SHLD1: variants seen among roughly 807,000 people sequenced by gnomAD.
SHLD1 encodes shieldin complex subunit 1, also known as RINN1-REV7-interacting novel NHEJ regulator 3.
SHLD1 carries 3 observed loss-of-function variants against 5.5 expected under a neutral mutation model. The ratio of observed to expected loss-of-function variants is 0.54; its 90% CI spans 0.25 to 1.40. The LOEUF (loss-of-function observed/expected upper bound fraction) is 1.40, where lower values mean the gene tolerates loss of function less well. SHLD1 is among the 40% of genes most tolerant of loss of function. The probability of loss-of-function intolerance (pLI) is 0.15; values close to 1 mark genes in which losing one functional copy is unlikely to be tolerated. For synonymous variants in SHLD1, 92 were observed against 94.3 expected, an observed-to-expected ratio of 0.98 and a Z score of 0.14; for missense variants, 210 against 244.4, an observed-to-expected ratio of 0.86 and a Z score of 0.94.
intron 1 of SHLD1, 41 bp downstream of exon 1, chr20:5,750,520 G>A: frequency 7.1e-6 from 1 of 141,620 alleles, no homozygotes; most frequent in Non-Finnish European, 1.5e-5. Context: ...GAGTGGTGGG[G>A]GCGGGGGTCA....
intron 1 of SHLD1, among the ~76,000 whole-genome samples, chr20:5,761,715 C>G (rs1046983592): frequency 6.7e-6 from 1 of 149,646 alleles, no homozygotes; most frequent in African/African-American, 2.5e-5. Context: ...TCAAGTGATT[C>G]TCCTGCCTCA....
At chr20:5,817,424 C>CTGTG (rs1435765186) in intron 2 of SHLD1, among the ~76,000 whole-genome samples, 9 of 130,234 alleles carry the variant, frequency 6.9e-5, no homozygotes, top group African/African-American at 3.4e-4. Context: ...CTCTCTCTCT[C>CTGTG]TCTCTCTCTG....
intron 1 of SHLD1, among the ~76,000 whole-genome samples, chr20:5,762,493 A>G (rs1205337687): frequency 6.6e-6 from 1 of 152,152 alleles, no homozygotes; most frequent in Non-Finnish European, 1.5e-5. Context: ...CCAATGGCAG[A>G]AATAAAAGTG....
At chr20:5,751,601 G>A (rs766158128) in intron 1 of SHLD1, among the ~76,000 whole-genome samples, 35 of 152,042 alleles carry the variant, frequency 2.3e-4, no homozygotes, top group Middle Eastern at 3.2e-3. Context: ...CACCACGCCC[G>A]GCTATCTTCT....
At chr20:5,782,310 C>T (rs981142742) in intron 2 of SHLD1, among the ~76,000 whole-genome samples, 3 of 152,040 alleles carry the variant, frequency 2.0e-5, no homozygotes, top group South Asian at 2.1e-4. Context: ...AAAGGTCACC[C>T]GAAGGCCCAG....
At chr20:5,856,523 A>G (rs2088087302) in intron 2 of SHLD1, among the ~76,000 whole-genome samples, 1 of 152,238 alleles carries the variant, frequency 6.6e-6, no homozygotes, top group Non-Finnish European at 1.5e-5. Context: ...AGGAAGATGC[A>G]GACTAGCCCA....
intron 2 of SHLD1, among the ~76,000 whole-genome samples, chr20:5,830,688 TA>T (rs33975362): frequency 0.38 from 49,789 of 131,190 alleles, 9,889 homozygotes; most frequent in African/African-American, 0.58. Flanking sequence ...AACTCCGTCT[TA>T]AAAAAAAAAA....
intron 2 of SHLD1, among the ~76,000 whole-genome samples, chr20:5,853,425 G>A (rs1224853245): frequency 6.6e-6 from 1 of 152,152 alleles, no homozygotes; most frequent in Non-Finnish European, 1.5e-5. Flanking sequence ...CAGCCTGAGC[G>A]ACAGATCGAG....
chr20:5,814,247 C>T (rs563271921), intron 2 of SHLD1, among the ~76,000 whole-genome samples: 26 of 152,166 alleles, frequency 1.7e-4, no homozygotes, highest in Admixed American at 2.0e-4. Flanking sequence ...TGAGCCACCG[C>T]GCCCGACCCC....
At chr20:5,831,008 G>GT (rs1285905878) in intron 2 of SHLD1, among the ~76,000 whole-genome samples, 1 of 151,850 alleles carries the variant, frequency 6.6e-6, no homozygotes. Context: ...TTAATAAAAA[G>GT]TAAAAAAAAA....
chr20:5,798,814 T>A (rs2087249829), intron 2 of SHLD1, among the ~76,000 whole-genome samples: 1 of 151,472 alleles, frequency 6.6e-6, no homozygotes. Context: ...GAGATGGGGT[T>A]TCACCGGGTT....
At chr20:5,795,421 A>AC (rs949582814) in intron 2 of SHLD1, among the ~76,000 whole-genome samples, 2 of 151,646 alleles carry the variant, frequency 1.3e-5, no homozygotes, top group Admixed American at 1.3e-4. Flanking sequence ...ATATGGCAAA[A>AC]CCCCCCTCTG....
chr20:5,862,088 T>TCCTAA (rs2088170232), intron 2 of SHLD1, among the ~76,000 whole-genome samples: 1 of 152,222 alleles, frequency 6.6e-6, no homozygotes, highest in African/African-American at 2.4e-5. Flanking sequence ...GGATTCTACC[T>TCCTAA]ATAGACCTCA....
intron 2 of SHLD1, among the ~76,000 whole-genome samples, chr20:5,800,861 ATG>A (rs2087283506): frequency 1.1e-4 from 1 of 8,850 alleles, no homozygotes; most frequent in East Asian, 4.1e-3. Flanking sequence ...GTGTGTGCGT[ATG>A]TCTATATCTC....
chr20:5,795,129 C>T (rs2087192737), intron 2 of SHLD1, among the ~76,000 whole-genome samples: 2 of 151,830 alleles, frequency 1.3e-5, no homozygotes, highest in South Asian at 4.2e-4. Flanking sequence ...ATCCCAGCTA[C>T]TCGGGGGGCT....
upstream of SHLD1, among the ~76,000 whole-genome samples, chr20:5,750,198 A>G (rs1308442400): frequency 2.0e-5 from 3 of 151,984 alleles, no homozygotes; most frequent in African/African-American, 4.8e-5. Flanking sequence ...CTTAGGGTTT[A>G]CCAAGCACAT....
Position 5,855,765 on chromosome 20 carries a change from A to G in SHLD1, c.179-7259A>G, listed in dbSNP as rs942205734. On this transcript the variant is annotated intron_variant, in intron 2 of 2. Transcript: ENST00000303142. The surrounding 1 kb of genome is among the most constrained non-coding windows in gnomAD (Gnocchi z 4.4). ...GAATATGAGAAATGCAATTTGAAAT[A>G]GTGTGCCCAGGAAATGTATGGTAAA... Among the ~76,000 whole-genome samples, 1 of 152,230 alleles carries G rather than the reference A, an allele frequency of 6.6e-6. No homozygotes were observed. The highest frequency in any genetic ancestry group is 6.5e-5 in the Admixed American group (1 of 15,282).
rs371624278 is a variant in SHLD1 at position 5,841,277 on chromosome 20, T to C, written c.179-21747T>C. 1.2e-4 allele frequency among the ~76,000 whole-genome samples: 18 copies of C among 152,328 alleles called. No individual in the cohort carries two copies. The East Asian group carries it at 2.7e-3, about 23-fold the overall frequency. ...CATATAGTAAAGTACATAAATCTTATGTGTTACAGTTTGGTGAATTTTTAT... is the reference window on the plus strand; with the variant it reads ...CATATAGTAAAGTACATAAATCTTACGTGTTACAGTTTGGTGAATTTTTAT... On this transcript the variant is annotated intron_variant, in intron 2 of 2. Coordinates refer to ENST00000303142, the MANE Select transcript of SHLD1 (RefSeq NM_152504.4).
chr20:5,813,486 C>G (rs2087487994), intron 2 of SHLD1, among the ~76,000 whole-genome samples: 1 of 152,060 alleles, frequency 6.6e-6, no homozygotes, highest in Non-Finnish European at 1.5e-5. Flanking sequence ...AAGACTATGT[C>G]TCTAAATAAA....
Sources: gnomAD v4.1 joint callset for allele counts (sites outside exome capture counted in the v4.1 genomes callset) on GRCh38, gnomAD v4.1.1 for gene constraint, Gnocchi (gnomAD v3.1) non-coding constraint, MANE v1.5 for transcripts, NCBI Gene and HGNC (gene_info 2026-07-23, HGNC 2026-07-21) for gene names.